Variants in INO80 observed in about 807,000 individuals in gnomAD.
The protein encoded by INO80 is INO80 complex ATPase subunit, also known as chromatin-remodeling ATPase INO80.
Under a neutral mutation model 203.4 loss-of-function variants are expected in INO80, and 20 were observed. The observed-to-expected ratio is 0.10, with a 90% CI of 0.07 to 0.14. The LOEUF (loss-of-function observed/expected upper bound fraction) is 0.14, where lower values mean the gene tolerates loss of function less well. INO80 is among the 10% of genes least tolerant of loss of function. INO80 has a pLI of 1.00. For synonymous variants in INO80, 726 were observed against 685.2 expected, an observed-to-expected ratio of 1.06 and a Z score of -0.93; for missense variants, 1,419 against 1,914.4, an observed-to-expected ratio of 0.74 and a Z score of 4.83.
chr15:41,042,492 G>A (rs887148886), intron 24 of INO80, among the ~76,000 whole-genome samples: 1 of 151,834 alleles, frequency 6.6e-6, no homozygotes, highest in Admixed American at 6.6e-5. Context: ...TCTTTTTTCT[G>A]AGAGGGAGTC....
chr15:41,108,317 T>C (rs2045910144), intron 1 of INO80, among the ~76,000 whole-genome samples: 1 of 151,928 alleles, frequency 6.6e-6, no homozygotes, highest in Non-Finnish European at 1.5e-5. Flanking sequence ...AGGCCGGGCG[T>C]GGTGGCTCAC....
intron 7 of INO80, among the ~76,000 whole-genome samples, chr15:41,081,646 C>T (rs1266049418): frequency 2.0e-5 from 3 of 152,108 alleles, no homozygotes; most frequent in African/African-American, 7.2e-5. Flanking sequence ...TTTGTGTTTT[C>T]CACTCTAGCT....
intron 1 of INO80, among the ~76,000 whole-genome samples, chr15:41,104,233 TAATAA>T (rs1379144607): frequency 3.0e-5 from 4 of 134,066 alleles, no homozygotes; most frequent in South Asian, 2.3e-4. Context: ...AAAAAAAAAG[TAATAA>T]AATAAAATAA....
intron 5 of INO80, 35 bp downstream of exon 5, chr15:41,091,992 T>C (rs774158311): frequency 6.4e-7 from 1 of 1,554,910 alleles, no homozygotes; most frequent in Non-Finnish European, 8.8e-7. Flanking sequence ...AGAGGGTGAA[T>C]ATTCAGTTTG....
In INO80 at chr15:41,082,794, G is replaced by A. The variant is rs113550010; in HGVS notation, c.874-1721C>T. Reference sequence around the variant, plus strand: ...AGGTACTAAGGAGGCTGAGGTGCGAGGACTGCTTGAGCCTGGGAGATCAAC... The same window carrying A: ...AGGTACTAAGGAGGCTGAGGTGCGAAGACTGCTTGAGCCTGGGAGATCAAC... On this transcript the variant is annotated intron_variant, in intron 7 of 35. Coordinates refer to ENST00000648947, the MANE Select transcript of INO80 (RefSeq NM_017553.3). Among the ~76,000 whole-genome samples, 429 of 152,220 alleles carry A rather than the reference G, an allele frequency of 2.8e-3. 1 individual carries two copies. The highest frequency in any genetic ancestry group is 9.7e-3 in the African/African-American group (402 of 41,532).
At chr15:41,104,912 T>A (rs536813787) in intron 1 of INO80, among the ~76,000 whole-genome samples, 3 of 152,216 alleles carry the variant, frequency 2.0e-5, no homozygotes, top group Non-Finnish European at 2.9e-5. Flanking sequence ...AATTTTACTA[T>A]ACTAAAAGTC....
At chr15:40,992,264 T>C (rs1312150590) in intron 29 of INO80, among the ~76,000 whole-genome samples, 1 of 152,202 alleles carries the variant, frequency 6.6e-6, no homozygotes, top group East Asian at 1.9e-4. Flanking sequence ...CACATAAGCA[T>C]TTAAAACAGG....
rs2045460588 is a variant in INO80 at position 41,079,892 on chromosome 15, A to T, written c.940T>A (p.Cys314Ser). ...GCAGCTCGACGCACCTCCTTCATGC[A>T]CTGGTGAGCAAGCTGAAAACAACAA... ...LTNSRKLAHQ[C>S]MKEVRRAALQ... Residue 314 changes from cysteine (C) to serine (S), a missense_variant, in exon 9 of 36, where the codon TGC becomes AGC. Cys to Ser is a moderately radical substitution (Grantham distance 112). Coordinates refer to ENST00000648947, the MANE Select transcript of INO80 (RefSeq NM_017553.3). The T allele has an allele frequency of 6.2e-7, 1 of 1,613,892 alleles. No individual in the cohort carries two copies.
intron 1 of INO80, among the ~76,000 whole-genome samples, chr15:41,101,830 G>C (rs866837884): frequency 6.6e-6 from 1 of 151,694 alleles, no homozygotes; most frequent in East Asian, 2.0e-4. Flanking sequence ...GATTACAGGC[G>C]TGAGCCACCG....
chr15:41,017,911 T>G (rs1450308826), intron 26 of INO80: 1 of 152,236 alleles, frequency 6.6e-6, no homozygotes, highest in Non-Finnish European at 1.5e-5. Context: ...GCCCTCTCCC[T>G]GGCACCAGAC....
intron 7 of INO80, among the ~76,000 whole-genome samples, chr15:41,081,947 C>A (rs948791519): frequency 3.3e-5 from 5 of 151,980 alleles, no homozygotes; most frequent in African/African-American, 1.2e-4. Flanking sequence ...CTCAAATATT[C>A]CCACTAAAAA....
At chr15:41,062,958 T>C (rs1475119612) in intron 14 of INO80, among the ~76,000 whole-genome samples, 1 of 152,072 alleles carries the variant, frequency 6.6e-6, no homozygotes, top group Non-Finnish European at 1.5e-5. Context: ...ATTTAATCAG[T>C]CCAAAAGGAC....
At chr15:41,113,947 A>T (rs1266724636) in intron 1 of INO80, among the ~76,000 whole-genome samples, 2 of 152,218 alleles carry the variant, frequency 1.3e-5, no homozygotes, top group Non-Finnish European at 2.9e-5. Context: ...GAACACAGTA[A>T]GCTAAAATGA....
chr15:41,081,154 A>G, intron 7 of INO80, 81 bp from the exon 8 acceptor site: 3 of 870,612 alleles, frequency 3.4e-6, no homozygotes, highest in East Asian at 2.5e-5. Context: ...CTTTTACTCA[A>G]TTCCTAGAGG....
intron 1 of INO80, among the ~76,000 whole-genome samples, chr15:41,097,692 TG>T (rs1260583339): frequency 3.3e-5 from 5 of 152,072 alleles, no homozygotes; most frequent in Non-Finnish European, 7.4e-5. Context: ...CAGGCTGGTC[TG>T]GAACTCCTGA....
chr15:40,997,577 T>C lies in INO80; in HGVS notation c.3522A>G (p.Leu1174=). 2 of 1,612,398 alleles carry C rather than the reference T, an allele frequency of 1.2e-6. No homozygotes were observed. The highest frequency in any genetic ancestry group is 4.5e-5 in the East Asian group (2 of 44,854). ...TACCCAGTCCTCCAGCTCGTGTGCT[T>C]AACAGGAACACAAAGATGTCATTCC... ...QNRNDIFVFL[L]STRAGGLGIN... The change falls in exon 29 of 36, where the codon TTA becomes TTG. Residue 1174 remains leucine (L), a synonymous_variant. Coordinates refer to ENST00000648947, the MANE Select transcript of INO80 (RefSeq NM_017553.3).
At chr15:40,986,792 A>AT (rs1449689834) in intron 31 of INO80, among the ~76,000 whole-genome samples, 1 of 151,742 alleles carries the variant, frequency 6.6e-6, no homozygotes, top group Non-Finnish European at 1.5e-5. Context: ...TGCCCAACTA[A>AT]TTTTTTGTAT....
chr15:41,065,557 G>T (rs959703340), intron 14 of INO80, among the ~76,000 whole-genome samples: 3 of 152,120 alleles, frequency 2.0e-5, no homozygotes, highest in Non-Finnish European at 2.9e-5. Context: ...CAGTAAAAGT[G>T]TTCAAACAAA....
In INO80 at chr15:41,081,962, T is replaced by C. The variant is rs541563246; in HGVS notation, c.874-889A>G. 6.6e-5 allele frequency among the ~76,000 whole-genome samples: 10 copies of C among 152,194 alleles called. No individual in the cohort carries two copies. In the East Asian group the frequency reaches 1.7e-3, roughly 26 times the overall value. On this transcript the variant is annotated intron_variant, in intron 7 of 35. Coordinates refer to ENST00000648947, the MANE Select transcript of INO80 (RefSeq NM_017553.3). Reference sequence around the variant, plus strand: ...CTCAAATATTCCCACTAAAAAGTCATTTCCTGGCCAGGAATGGTGGTTCAC... The same window carrying C: ...CTCAAATATTCCCACTAAAAAGTCACTTCCTGGCCAGGAATGGTGGTTCAC...
Sources: gnomAD v4.1 joint callset for allele counts (sites outside exome capture counted in the v4.1 genomes callset) on GRCh38, gnomAD v4.1.1 for gene constraint, MANE v1.5 for transcripts, NCBI Gene and HGNC (gene_info 2026-07-23, HGNC 2026-07-21) for gene names.